Variants in ITPK1 observed in about 807,000 individuals in gnomAD.
The protein encoded by ITPK1 is inositol-tetrakisphosphate 1-kinase.
In ITPK1, 21 loss-of-function variants were observed where a neutral mutation model predicts 45.3. That is an observed-to-expected ratio of 0.46 (90% confidence interval 0.33 to 0.67). ITPK1 has a LOEUF of 0.67. Among genes scored for constraint, ITPK1 ranks in the 30% least tolerant of loss-of-function variants. The probability of loss-of-function intolerance (pLI) is 0.02; values close to 1 mark genes in which losing one functional copy is unlikely to be tolerated. For synonymous variants in ITPK1, 258 were observed against 253.6 expected, an observed-to-expected ratio of 1.02 and a Z score of -0.16; for missense variants, 474 against 573.5, an observed-to-expected ratio of 0.83 and a Z score of 1.77.
intron 2 of ITPK1, among the ~76,000 whole-genome samples, chr14:93,102,342 A>G (rs1305792544): frequency 1.3e-5 from 2 of 152,178 alleles, no homozygotes; most frequent in African/African-American, 4.8e-5. Flanking sequence ...AGGAAGCAAA[A>G]CCTTTCTCCA....
chr14:92,939,992 T>A lies in ITPK1; in HGVS notation c.*1569A>T, dbSNP rs1192510877. 1.0e-6 allele frequency: 1 copy of A among 985,732 alleles called. No homozygotes were observed. Among genetic ancestry groups the A allele is most frequent in the Non-Finnish European group, 1.2e-6 (1 of 829,950 alleles). 61.1% of individuals were successfully genotyped at this position (985,732 alleles called of 1,614,324 possible). ...ACAGACATTAATCGGGGTTCAAAACTCAAGTCGTGTAAACGTGGTTAGTTG... is the reference window on the plus strand; with the variant it reads ...ACAGACATTAATCGGGGTTCAAAACACAAGTCGTGTAAACGTGGTTAGTTG... On this transcript the variant is annotated 3_prime_UTR_variant, in exon 11 of 11. Coordinates refer to ENST00000267615, the MANE Select transcript of ITPK1 (RefSeq NM_014216.6).
At chr14:92,982,573 C>T (rs1198993975) in intron 5 of ITPK1, among the ~76,000 whole-genome samples, 3 of 152,178 alleles carry the variant, frequency 2.0e-5, no homozygotes, top group South Asian at 4.1e-4. Context: ...CAGAAGATCA[C>T]CTGCCCCTGC....
At chr14:93,042,023 G>A (rs1382033774) in intron 3 of ITPK1, among the ~76,000 whole-genome samples, 4 of 152,192 alleles carry the variant, frequency 2.6e-5, no homozygotes, top group South Asian at 2.1e-4. Flanking sequence ...AGCAGTGACC[G>A]CCTACCACAC....
rs1192981615 is a variant in ITPK1, at chr14:92,958,172, C to G, written c.670+29G>C. 1 of 1,612,254 alleles carries G rather than the reference C, an allele frequency of 6.2e-7. No individual in the cohort carries two copies. The highest frequency in any genetic ancestry group is 1.7e-5 in the Admixed American group (1 of 59,990). On this transcript the variant is annotated intron_variant, in intron 8 of 10. Coordinates refer to ENST00000267615, the MANE Select transcript of ITPK1 (RefSeq NM_014216.6). The surrounding 1 kb of genome is among the most constrained non-coding windows in gnomAD (Gnocchi z 4.4). The stretch of plus-strand genomic sequence containing the variant: ...CCCAGCTGGGCCCCTGAGTCTTGCT[C>G]AGCCCAAGATGGTGAGAAGAGCAGT...
intron 3 of ITPK1, among the ~76,000 whole-genome samples, chr14:93,074,970 C>G (rs775774828): frequency 1.3e-5 from 2 of 152,134 alleles, no homozygotes; most frequent in Non-Finnish European, 2.9e-5. Context: ...ACACACACCC[C>G]TAAGCCATTC....
At position 93,013,092 on chromosome 14, in the gene ITPK1, C is replaced by G. The variant is rs896054594; in HGVS notation, c.246+3584G>C. ...CTGAGGCAGGGACCCTCTCGGCATG[C>G]CGGCCCCACTTGCCCACGTGGGCAG... On this transcript the variant is annotated intron_variant, in intron 4 of 10. Coordinates refer to ENST00000267615, the MANE Select transcript of ITPK1 (RefSeq NM_014216.6). Among the ~76,000 whole-genome samples, 4 of 152,328 alleles carry G rather than the reference C, an allele frequency of 2.6e-5. No homozygotes were observed. The East Asian group carries it at 5.8e-4, about 22-fold the overall frequency.
intron 2 of ITPK1, among the ~76,000 whole-genome samples, chr14:93,106,911 G>A (rs1892549206): frequency 6.6e-6 from 1 of 151,876 alleles, no homozygotes; most frequent in Non-Finnish European, 1.5e-5. Context: ...GAGCCATAGG[G>A]ACATGAAAAA....
chr14:92,940,965 G>T lies in ITPK1; in HGVS notation c.*596C>A. The T allele has an allele frequency of 2.3e-6, 3 of 1,285,932 alleles. No individual in the cohort carries two copies. Among genetic ancestry groups the T allele is most frequent in the South Asian group, 1.2e-5 (1 of 80,716 alleles). The allele number at this position is 1,285,932 out of a possible 1,614,324, so 79.7% of individuals were successfully genotyped here. A position where few individuals can be genotyped will look rare whatever the true frequency, so the allele number is the denominator to read the frequency against. ...GGAGCACAGCCCAGACCCCAGCGCG[G>T]AACTCCCCTGAGGGGTCTGTGGCCT... On this transcript the variant is annotated 3_prime_UTR_variant, in exon 11 of 11. Transcript: ENST00000267615.
intron 5 of ITPK1, among the ~76,000 whole-genome samples, chr14:92,987,113 C>A (rs956386203): frequency 7.2e-5 from 11 of 152,212 alleles, no homozygotes; most frequent in African/African-American, 2.4e-4. Flanking sequence ...GGCTCCCGGG[C>A]CACTGTCCTC....
chr14:93,091,626 G>A (rs1345662303), intron 2 of ITPK1, among the ~76,000 whole-genome samples: 2 of 152,144 alleles, frequency 1.3e-5, no homozygotes, highest in African/African-American at 4.8e-5. Context: ...ACGGTGGCTG[G>A]GCATGTAACT....
At chr14:93,033,707 A>G (rs1172871840) in intron 3 of ITPK1, among the ~76,000 whole-genome samples, 1 of 152,108 alleles carries the variant, frequency 6.6e-6, no homozygotes, top group Non-Finnish European at 1.5e-5. Flanking sequence ...CGCTAGAGAG[A>G]GACAGACACA....
chr14:93,104,064 G>A (rs1343596479), intron 2 of ITPK1, among the ~76,000 whole-genome samples: 1 of 152,176 alleles, frequency 6.6e-6, no homozygotes, highest in East Asian at 1.9e-4. Context: ...TAGGGCGGGT[G>A]CACTGCACCC....
In ITPK1 at chr14:93,063,672, G is replaced by A. The variant is rs1236917022; in HGVS notation, c.120+12923C>T. Among the ~76,000 whole-genome samples the A allele has an allele frequency of 6.6e-6, 1 of 152,206 alleles. No homozygotes were observed. The highest frequency in any genetic ancestry group is 1.5e-5 in the Non-Finnish European group (1 of 68,044). Reference sequence around the variant, plus strand: ...GAGTCACTGGACTCTCACCAGGCAGGCAGTCTTCGGAGCAGAAGAGGCACT... The same window carrying A: ...GAGTCACTGGACTCTCACCAGGCAGACAGTCTTCGGAGCAGAAGAGGCACT... On this transcript the variant is annotated intron_variant, in intron 3 of 10. Transcript: ENST00000267615. The surrounding 1 kb of genome is among the most constrained non-coding windows in gnomAD (Gnocchi z 4.3).
intron 3 of ITPK1, among the ~76,000 whole-genome samples, chr14:93,064,833 C>T (rs1890683310): frequency 6.6e-6 from 1 of 152,172 alleles, no homozygotes; most frequent in African/African-American, 2.4e-5. Context: ...CACTGTGCTT[C>T]CCAGGGGAGT....
At chr14:93,085,004 G>T (rs541520514) in intron 2 of ITPK1, among the ~76,000 whole-genome samples, 1 of 152,344 alleles carries the variant, frequency 6.6e-6, no homozygotes, top group South Asian at 2.1e-4. Flanking sequence ...TGTGCCCCCT[G>T]CAGACCCTGG....
At chr14:93,100,578 C>T (rs1892275394) in intron 2 of ITPK1, among the ~76,000 whole-genome samples, 1 of 151,498 alleles carries the variant, frequency 6.6e-6, no homozygotes, top group Admixed American at 6.6e-5. Context: ...GAGAGACAGA[C>T]AGACAGACAG....
intron 2 of ITPK1, among the ~76,000 whole-genome samples, chr14:93,114,090 AG>A (rs1389395737): frequency 6.6e-6 from 1 of 152,274 alleles, no homozygotes; most frequent in African/African-American, 2.4e-5. Context: ...TTCAAAAATC[AG>A]TCTAACAAGC....
chr14:93,114,301 C>T (rs879019810), intron 2 of ITPK1, among the ~76,000 whole-genome samples: 9 of 152,342 alleles, frequency 5.9e-5, no homozygotes, highest in Admixed American at 5.9e-4. Flanking sequence ...GGAGACTCCG[C>T]CAAGGAGCAC....
At chr14:92,988,310 G>A (rs926572700) in intron 5 of ITPK1, among the ~76,000 whole-genome samples, 1 of 152,212 alleles carries the variant, frequency 6.6e-6, no homozygotes, top group African/African-American at 2.4e-5. Flanking sequence ...CCGATCTGGG[G>A]TGGGGCCACC....
Sources: allele counts gnomAD v4.1 joint callset (sites outside exome capture counted in the v4.1 genomes callset), GRCh38; gene constraint gnomAD v4.1.1; non-coding constraint Gnocchi (gnomAD v3.1); transcripts MANE v1.5; gene names NCBI Gene and HGNC (gene_info 2026-07-23, HGNC 2026-07-21).